The following AGBL1 variants were observed in gnomAD, a reference collection of about 807,000 sequenced individuals.
AGBL1 encodes the protein cytosolic carboxypeptidase 4.
Under a neutral mutation model 118.9 loss-of-function variants are expected in AGBL1, and 130 were observed. The ratio of observed to expected loss-of-function variants is 1.09; its 90% CI spans 0.95 to 1.26. The LOEUF (loss-of-function observed/expected upper bound fraction) is 1.26. Among genes scored for constraint, AGBL1 ranks in the 50% most tolerant of loss-of-function variants. The pLI, the probability that AGBL1 is intolerant of heterozygous loss-of-function variation, is 0.00. For missense variants in AGBL1, 1,584 were observed against 1,298.1 expected (o/e 1.22, Z -3.38); for synonymous variants, 555 against 478.9 (o/e 1.16, Z -2.08).
At chr15:86,413,817 G>C (rs574130306) in intron 18 of AGBL1, among the ~76,000 whole-genome samples, 2 of 152,122 alleles carry the variant, frequency 1.3e-5, no homozygotes, top group Admixed American at 1.3e-4. Flanking sequence ...TTCCCATTCT[G>C]CACGTTGTCT....
At chr15:86,992,304 G>A (rs552311728) in intron 24 of AGBL1, among the ~76,000 whole-genome samples, 8 of 152,176 alleles carry the variant, frequency 5.3e-5, no homozygotes, top group Admixed American at 2.6e-4. Context: ...ACCCGGCCTC[G>A]GCTCCAACAA....
At chr15:86,714,351 C>T (rs968103334) in intron 22 of AGBL1, among the ~76,000 whole-genome samples, 4 of 152,054 alleles carry the variant, frequency 2.6e-5, no homozygotes, top group African/African-American at 9.7e-5. Context: ...AAGGGCAGAA[C>T]ACAAGGATGG....
In AGBL1 at chr15:86,572,757, T is replaced by C. The variant is rs190509701; in HGVS notation, c.2994+18220T>C. Among the ~76,000 whole-genome samples, 10 of 152,354 alleles carry C rather than the reference T, an allele frequency of 6.6e-5. 1 individual carries two copies. In the South Asian group the frequency reaches 2.1e-3, roughly 32 times the overall value. On this transcript the variant is annotated intron_variant, in intron 21 of 22. Transcript: ENST00000614907. ...CCAGCTGCCACCGCCTGCGCTTCGC[T>C]GCTTCAGCCAGCATGATGGCAGTGG...
At chr15:86,554,677 G>A in intron 21 of AGBL1, 140 bp downstream of exon 21, 2 of 828,702 alleles carry the variant, frequency 2.4e-6, no homozygotes, top group Non-Finnish European at 3.3e-6. Context: ...TTGAAAAACG[G>A]GTTCAACAAT....
chr15:86,834,722 A>G (rs930148094), intron 22 of AGBL1, among the ~76,000 whole-genome samples: 3 of 152,114 alleles, frequency 2.0e-5, no homozygotes, highest in African/African-American at 7.2e-5. Context: ...GACCCACTTC[A>G]CATGGATACA....
At chr15:86,157,609 T>TA (rs2077209746) in intron 4 of AGBL1, among the ~76,000 whole-genome samples, 1 of 152,166 alleles carries the variant, frequency 6.6e-6, no homozygotes. Flanking sequence ...TTTAAAAAAA[T>TA]TATACTGTCA....
intron 18 of AGBL1, among the ~76,000 whole-genome samples, chr15:86,444,143 C>A (rs1256038950): frequency 2.6e-5 from 4 of 152,178 alleles, no homozygotes; most frequent in Non-Finnish European, 5.9e-5. Flanking sequence ...TGATAATAGC[C>A]ATTCTAACTG....
chr15:86,110,742 A>G (rs1469148220), intron 1 of AGBL1, among the ~76,000 whole-genome samples: 1 of 152,228 alleles, frequency 6.6e-6, no homozygotes, highest in South Asian at 2.1e-4. Context: ...AAATTAGGGG[A>G]TGTGTAATGT....
chr15:86,560,622 C>A (rs2083803840), intron 21 of AGBL1, among the ~76,000 whole-genome samples: 1 of 152,160 alleles, frequency 6.6e-6, no homozygotes, highest in Admixed American at 6.5e-5. Context: ...GTCTTTATAG[C>A]AGCAGGATTT....
intron 5 of AGBL1, among the ~76,000 whole-genome samples, chr15:86,218,890 A>T (rs987266148): frequency 4.6e-5 from 7 of 152,212 alleles, no homozygotes; most frequent in African/African-American, 1.7e-4. Flanking sequence ...GCCCTGGCTG[A>T]TGCCTTGATT....
At chr15:86,192,884 C>T (rs1021566791) in intron 5 of AGBL1, among the ~76,000 whole-genome samples, 1 of 152,102 alleles carries the variant, frequency 6.6e-6, no homozygotes, top group Non-Finnish European at 1.5e-5. Context: ...AATATACACA[C>T]ATATATAATC....
At chr15:86,287,690 C>A (rs2079476268) in intron 16 of AGBL1, among the ~76,000 whole-genome samples, 1 of 152,126 alleles carries the variant, frequency 6.6e-6, no homozygotes. Flanking sequence ...GTTGAGAAAG[C>A]TTCACCACTG....
intron 19 of AGBL1, among the ~76,000 whole-genome samples, chr15:86,533,316 C>G (rs1411414107): frequency 7.5e-6 from 1 of 132,998 alleles, no homozygotes; most frequent in Non-Finnish European, 1.6e-5. Context: ...TGAGCAGACA[C>G]TTCTCAAAAG....
At chr15:86,142,149 C>T in intron 2 of AGBL1, 82 bp downstream of exon 2, 1 of 1,404,938 alleles carries the variant, frequency 7.1e-7, no homozygotes, top group Admixed American at 2.0e-5. Flanking sequence ...CCTCTGTGAC[C>T]TGGGGGTTTG....
chr15:86,504,696 C>T (rs541146723), intron 18 of AGBL1, among the ~76,000 whole-genome samples: 1 of 151,622 alleles, frequency 6.6e-6, no homozygotes, highest in African/African-American at 2.4e-5. Context: ...ATTTCCTTCC[C>T]CTTTCTTTGT....
intron 17 of AGBL1, among the ~76,000 whole-genome samples, chr15:86,333,569 A>T (rs926087578): frequency 6.6e-6 from 1 of 152,196 alleles, no homozygotes; most frequent in Admixed American, 6.5e-5. Context: ...AAATCCCTGA[A>T]CCAGATGGAT....
intron 23 of AGBL1, among the ~76,000 whole-genome samples, chr15:86,952,275 G>A (rs1245716640): frequency 6.6e-6 from 1 of 151,752 alleles, no homozygotes. Flanking sequence ...CTTTTAGTCA[G>A]TGTTAGTAGC....
chr15:86,951,288 G>C (rs1382192746), intron 23 of AGBL1, among the ~76,000 whole-genome samples: 1 of 152,120 alleles, frequency 6.6e-6, no homozygotes, highest in African/African-American at 2.4e-5. Flanking sequence ...TACTAAATGT[G>C]TACCCACATA....
intron 22 of AGBL1, among the ~76,000 whole-genome samples, chr15:86,852,395 T>C (rs949528930): frequency 6.6e-6 from 1 of 152,124 alleles, no homozygotes; most frequent in Non-Finnish European, 1.5e-5. Context: ...TGGATTACAA[T>C]TGGAGATTAT....
Sources: gnomAD v4.1 joint callset for allele counts (sites outside exome capture counted in the v4.1 genomes callset) on GRCh38, gnomAD v4.1.1 for gene constraint, MANE v1.5 for transcripts, NCBI Gene and HGNC (gene_info 2026-07-23, HGNC 2026-07-21) for gene names.